The following MIAT variants were observed in gnomAD, a reference collection of about 807,000 sequenced individuals.
MIAT encodes the protein MI related novel mRNA.
At chr22:26,660,540 A>C (rs537413046) in intron 2 of MIAT, among the ~76,000 whole-genome samples, 1 of 152,200 alleles carries the variant, frequency 6.6e-6, no homozygotes, top group Admixed American at 6.5e-5. Context: ...AAGTTACATC[A>C]GATGTGTTTC....
chr22:26,672,787 G>T (rs1415259265), downstream of MIAT: 1 of 398,664 alleles, frequency 2.5e-6, no homozygotes, highest in Non-Finnish European at 4.4e-6. Context: ...CAATGAAGCG[G>T]GTCTTTCCTA....
chr22:26,670,729 A>C (rs532211649), downstream of MIAT: 3 of 398,096 alleles, frequency 7.5e-6, no homozygotes, highest in Non-Finnish European at 1.3e-5. Flanking sequence ...GACAGGGCAT[A>C]GGATGAAGTG....
intron 2 of MIAT, among the ~76,000 whole-genome samples, chr22:26,653,543 C>G (rs1930374949): frequency 6.6e-6 from 1 of 152,086 alleles, no homozygotes; most frequent in African/African-American, 2.4e-5. Context: ...TTTTAGAGCA[C>G]TGAGATAATA....
At chr22:26,667,589 G>A (rs1930899628) in intron 5 of MIAT, 4 of 300,612 alleles carry the variant, frequency 1.3e-5, no homozygotes, top group Non-Finnish European at 2.4e-5. Context: ...CTTGCTATGG[G>A]CTCCCTTTAC....
intron 2 of MIAT, among the ~76,000 whole-genome samples, chr22:26,648,642 A>G (rs1363878328): frequency 6.6e-6 from 1 of 152,124 alleles, no homozygotes; most frequent in East Asian, 1.9e-4. Context: ...CAATGGAGAA[A>G]AGACCTGATA....
chr22:26,649,811 G>A (rs1930306399), intron 2 of MIAT, among the ~76,000 whole-genome samples: 1 of 152,208 alleles, frequency 6.6e-6, no homozygotes, highest in African/African-American at 2.4e-5. Context: ...TACTCGGGAG[G>A]CTGAGGCAGC....
chr22:26,670,301 T>C (rs1166187584), downstream of MIAT: 4 of 398,280 alleles, frequency 1.0e-5, no homozygotes, highest in South Asian at 2.5e-4. Flanking sequence ...GGGGGAAATA[T>C]AGGTGAAGAG....
chr22:26,659,071 T>A (rs994321735), intron 2 of MIAT, among the ~76,000 whole-genome samples: 1 of 152,094 alleles, frequency 6.6e-6, no homozygotes, highest in African/African-American at 2.4e-5. Context: ...AGCAGATGTC[T>A]GAGCCACGTG....
Position 26,653,037 on chromosome 22 carries a change from G to A in MIAT, n.646+5726G>A, listed in dbSNP as rs543828577. On this transcript the variant is annotated intron_variant and non_coding_transcript_variant, in intron 2 of 5. Coordinates refer to ENST00000643270, the Ensembl canonical transcript of MIAT. The stretch of plus-strand genomic sequence containing the variant: ...GTCACAGTTACATTGATGGGGAGGA[G>A]AGAAGGATGCCAGCTCTACTTCTCA... 1.1e-4 allele frequency among the ~76,000 whole-genome samples: 16 copies of A among 152,286 alleles called. No individual in the cohort carries two copies. The South Asian group carries it at 3.3e-3, about 32-fold the overall frequency.
chr22:26,647,509 G>C (rs566059585), intron 2 of MIAT, among the ~76,000 whole-genome samples: 2 of 151,760 alleles, frequency 1.3e-5, no homozygotes, highest in East Asian at 3.9e-4. Flanking sequence ...GTCAATCCAG[G>C]GACCTAAAAG....
intron 2 of MIAT, among the ~76,000 whole-genome samples, chr22:26,651,576 C>T (rs967874471): frequency 6.6e-6 from 1 of 152,192 alleles, no homozygotes; most frequent in Non-Finnish European, 1.5e-5. Flanking sequence ...AGGATTCAAA[C>T]AAATACTTGC....
chr22:26,671,697 T>C, downstream of MIAT: 1 of 398,606 alleles, frequency 2.5e-6, no homozygotes. Flanking sequence ...CACTTCCTGT[T>C]GAGTGAGTTT....
chr22:26,654,350 G>A (rs1930387242), intron 2 of MIAT, among the ~76,000 whole-genome samples: 1 of 152,160 alleles, frequency 6.6e-6, no homozygotes, highest in Non-Finnish European at 1.5e-5. Flanking sequence ...GGGGTGAACA[G>A]GTGGCTTCAT....
downstream of MIAT, chr22:26,672,651 A>AG (rs1427180131): frequency 1.8e-5 from 7 of 399,000 alleles, no homozygotes; most frequent in Non-Finnish European, 2.7e-5. Flanking sequence ...TGTCCTGCAC[A>AG]GGAAGTCACG....
At chr22:26,668,215 C>T (rs575648176) in exon 6 of MIAT, 7 of 398,690 alleles carry the variant, frequency 1.8e-5, no homozygotes, top group Non-Finnish European at 2.2e-5. Flanking sequence ...CTTTGGACCT[C>T]GGGTGACCTT....
intron 2 of MIAT, among the ~76,000 whole-genome samples, chr22:26,647,837 T>A (rs912318057): frequency 6.6e-6 from 1 of 151,050 alleles, no homozygotes; most frequent in African/African-American, 2.4e-5. Context: ...GGAGGGGGAA[T>A]GACTTGGCGG....
chr22:26,664,753 A>G (rs1930785639), intron 3 of MIAT, among the ~76,000 whole-genome samples: 1 of 152,212 alleles, frequency 6.6e-6, no homozygotes, highest in South Asian at 2.1e-4. Flanking sequence ...CCATTCATCA[A>G]GATAGGGGAT....
At chr22:26,669,635 T>A (rs1432553583) in exon 6 of MIAT, 1 of 398,578 alleles carries the variant, frequency 2.5e-6, no homozygotes, top group Non-Finnish European at 4.4e-6. Context: ...CACCATTCAG[T>A]TCTTAACAGG....
At chr22:26,675,181 G>A in exon 5 of MIAT, 1 of 398,912 alleles carries the variant, frequency 2.5e-6, no homozygotes, top group Middle Eastern at 6.3e-4. Context: ...GGAGAGGGAG[G>A]CATCTAAGCT....
Sources: gnomAD v4.1 joint callset for allele counts (sites outside exome capture counted in the v4.1 genomes callset) on GRCh38, gnomAD v4.1.1 for gene constraint, MANE v1.5 for transcripts, NCBI Gene and HGNC (gene_info 2026-07-23, HGNC 2026-07-21) for gene names.